Variants in THUMPD3 observed in about 807,000 individuals in gnomAD.
THUMPD3 encodes THUMP domain 3 tRNA guanosine methyltransferase.
In THUMPD3, 44 loss-of-function variants were observed where a neutral mutation model predicts 54.5. The observed-to-expected ratio is 0.81, with a 90% confidence interval of 0.63 to 1.04. The LOEUF is 1.04. Among genes scored for constraint, THUMPD3 ranks in the 50% least tolerant of loss-of-function variants. The pLI, the probability that THUMPD3 is intolerant of heterozygous loss-of-function variation, is 0.00. For synonymous variants in THUMPD3, 196 were observed against 201.4 expected, an observed-to-expected ratio of 0.97 and a Z score of 0.23; for missense variants, 604 against 601.3, an observed-to-expected ratio of 1.00 and a Z score of -0.05.
intron 7 of THUMPD3, among the ~76,000 whole-genome samples, chr3:9,382,473 A>G (rs2033003013): frequency 6.6e-6 from 1 of 151,730 alleles, no homozygotes; most frequent in Admixed American, 6.6e-5. Context: ...TTGGTTTTTC[A>G]TCTTGAAACA....
rs560440157 is a variant in THUMPD3, at chr3:9,381,139, G to T, written c.1124+521G>T. Among the ~76,000 whole-genome samples the T allele has an allele frequency of 5.3e-5, 8 of 152,256 alleles. No individual in the cohort carries two copies. The South Asian group carries it at 1.5e-3, about 28-fold the overall frequency. On this transcript the variant is annotated intron_variant, in intron 7 of 9. Coordinates refer to ENST00000452837, the MANE Select transcript of THUMPD3 (RefSeq NM_001114092.2). ...GTAGAGATGGGGGTCTTGCTGTTTTGTCCAGGCTGGTGTCAAACTCCTGGC... is the reference window on the plus strand; with the variant it reads ...GTAGAGATGGGGGTCTTGCTGTTTTTTCCAGGCTGGTGTCAAACTCCTGGC...
intron 7 of THUMPD3, 128 bp from the exon 8 acceptor site, chr3:9,383,071 G>T: frequency 1.7e-6 from 1 of 584,288 alleles, no homozygotes; most frequent in Non-Finnish European, 3.1e-6. Context: ...TTTTGAATAG[G>T]TTGATATTAT....
rs578050659 is a variant in THUMPD3, at chr3:9,370,277, G to T, written c.331-783G>T. On this transcript the variant is annotated intron_variant, in intron 3 of 9. Coordinates refer to ENST00000452837, the MANE Select transcript of THUMPD3 (RefSeq NM_001114092.2). ...TTCATTTTAGTGATATAATTAAATA[G>T]ATTATAGGCACATTATTTGTCCTTT... Among the ~76,000 whole-genome samples the T allele has an allele frequency of 2.0e-5, 3 of 152,214 alleles. No individual in the cohort carries two copies. The South Asian group carries it at 6.2e-4, about 32-fold the overall frequency.
intron 7 of THUMPD3, among the ~76,000 whole-genome samples, chr3:9,382,175 T>C (rs1269901779): frequency 6.6e-6 from 1 of 152,158 alleles, no homozygotes; most frequent in Non-Finnish European, 1.5e-5. Context: ...ATAATACATA[T>C]TTTATGTGTA....
At chr3:9,379,758 T>C (rs1483037921) in intron 6 of THUMPD3, among the ~76,000 whole-genome samples, 2 of 152,172 alleles carry the variant, frequency 1.3e-5, no homozygotes. Context: ...AGTGGTGTAA[T>C]CTCAGCTCCC....
chr3:9,366,908 G>T lies in THUMPD3; in HGVS notation c.253G>T (p.Val85Phe). 6.2e-7 allele frequency: 1 copy of T among 1,606,176 alleles called. No individual in the cohort carries two copies. Among genetic ancestry groups the T allele is most frequent in the Non-Finnish European group, 8.5e-7 (1 of 1,177,494 alleles). Residue 85 changes from valine to phenylalanine, a missense_variant and splice_region_variant, in exon 3 of 10, where the codon GTT (valine) becomes TTT (phenylalanine). Transcript: ENST00000452837. ...ATGTGTTTCTTTTTTTTTCACCCAG[G>T]TTCATTGTCTGAGATCAGTTGATAA... is the stretch of plus-strand genomic sequence containing the variant. Reference protein sequence around the residue: ...FVISVESLAQVHCLRSVDNLF... With the variant: ...FVISVESLAQFHCLRSVDNLF...
In THUMPD3 at chr3:9,366,925, A is replaced by G. The variant is rs749627580; in HGVS notation, c.270A>G (p.Ser90=). The G allele has an allele frequency of 1.2e-6, 2 of 1,612,030 alleles. No homozygotes were observed. Among genetic ancestry groups the G allele is most frequent in the South Asian group, 2.2e-5 (2 of 90,402 alleles). Residue 90 remains serine, a synonymous_variant, in exon 3 of 10, where the codon TCA becomes TCG. Transcript: ENST00000452837. ...ESLAQVHCLR[S]VDNLFVVVQE... ...TCACCCAGGTTCATTGTCTGAGATC[A>G]GTTGATAACTTATTTGTGGTGGTTC...
At position 9,383,251 on chromosome 3, in the gene THUMPD3, C is replaced by A; in HGVS notation, c.1177C>A (p.Leu393Met). Reference protein sequence around the residue: ...IDAVQWDICNLPLRTGSVDII... With the variant: ...IDAVQWDICNMPLRTGSVDII... ...TGCTGTTCAGTGGGATATCTGCAATCTGCCATTGAGAACTGGCTCTGTGGA... is the reference window on the plus strand; with the variant it reads ...TGCTGTTCAGTGGGATATCTGCAATATGCCATTGAGAACTGGCTCTGTGGA... Residue 393 changes from leucine (L) to methionine (M), a missense_variant, in exon 8 of 10, where the codon CTG (leucine) becomes ATG (methionine). Coordinates refer to ENST00000452837, the MANE Select transcript of THUMPD3 (RefSeq NM_001114092.2). 2 of 1,614,112 alleles carry A rather than the reference C, an allele frequency of 1.2e-6. No individual in the cohort carries two copies. The highest frequency in any genetic ancestry group is 1.7e-6 in the Non-Finnish European group (2 of 1,179,966).
rs1214120334 is a variant in THUMPD3, at chr3:9,383,437, T to G, written c.1235+128T>G. The G allele has an allele frequency of 4.7e-6, 3 of 633,322 alleles. No individual in the cohort carries two copies. The African/African-American group carries it at 5.4e-5, about 12-fold the overall frequency. The allele number at this position is 633,322 out of a possible 1,614,324, so 39.2% of individuals were successfully genotyped here. A position where few individuals can be genotyped will look rare whatever the true frequency, so the allele number is the denominator to read the frequency against. On this transcript the variant is annotated intron_variant, in intron 8 of 9. Coordinates refer to ENST00000452837, the MANE Select transcript of THUMPD3 (RefSeq NM_001114092.2). ...AGCTGTTTTTCACTTAACAACATGA[T>G]GGATTCACCCATTATGTTTCTTCCG...
Position 9,365,058 on chromosome 3 carries a change from G to C in THUMPD3, c.-11G>C. On this transcript the variant is annotated 5_prime_UTR_variant, in exon 2 of 10. Transcript: ENST00000452837. ...AGAGACAGTGTTAGGGATCTTGGAA[G>C]CACAGCCAACATGTGTGACATTGAA... is the stretch of plus-strand genomic sequence containing the variant. The C allele has an allele frequency of 6.2e-7, 1 of 1,611,530 alleles. No individual in the cohort carries two copies. Among genetic ancestry groups the C allele is most frequent in the Non-Finnish European group, 8.5e-7 (1 of 1,178,202 alleles).
intron 4 of THUMPD3, among the ~76,000 whole-genome samples, chr3:9,374,128 A>G (rs2032272763): frequency 6.6e-6 from 1 of 152,136 alleles, no homozygotes; most frequent in African/African-American, 2.4e-5. Flanking sequence ...CGTTTTGCCA[A>G]TTTTTGAACT....
chr3:9,377,914 A>G lies in THUMPD3; in HGVS notation c.1008+26A>G, dbSNP rs768317771. On this transcript the variant is annotated intron_variant, in intron 6 of 9. Coordinates refer to ENST00000452837, the MANE Select transcript of THUMPD3 (RefSeq NM_001114092.2). ...GTAATCATATTTCTTTAGCTTTTAG[A>G]TAAGAGTGATACATCCAGAATATTC... 14 of 1,558,336 alleles carry G rather than the reference A, an allele frequency of 9.0e-6. No individual in the cohort carries two copies. The South Asian group carries it at 1.2e-4, about 14-fold the overall frequency.
intron 1 of THUMPD3, 117 bp from the exon 2 acceptor site, chr3:9,364,899 G>A (rs1482051494): frequency 2.5e-5 from 19 of 760,656 alleles, no homozygotes; most frequent in Non-Finnish European, 3.9e-5. Flanking sequence ...TTTTTACTTT[G>A]GTGACTGTTT....
chr3:9,364,476 A>T (rs1459162664), intron 1 of THUMPD3, among the ~76,000 whole-genome samples: 2 of 151,894 alleles, frequency 1.3e-5, no homozygotes, highest in African/African-American at 4.8e-5. Context: ...CCTCCCAAGT[A>T]GCTGGGATTA....
intron 2 of THUMPD3, among the ~76,000 whole-genome samples, chr3:9,366,438 A>G (rs2031572868): frequency 6.6e-6 from 1 of 152,158 alleles, no homozygotes; most frequent in Admixed American, 6.6e-5. Flanking sequence ...TTTAGCCAAT[A>G]CCCTCAGCAG....
rs1377937900 is a variant in THUMPD3 at position 9,386,330 on chromosome 3, G to A, written c.*1642G>A. 1 of 152,002 alleles carries A rather than the reference G, an allele frequency of 6.6e-6. No individual in the cohort carries two copies. Among genetic ancestry groups the A allele is most frequent in the African/African-American group, 2.4e-5 (1 of 41,370 alleles). 9.4% of individuals were successfully genotyped at this position (152,002 alleles called of 1,614,324 possible). A position where few individuals can be genotyped will look rare whatever the true frequency, so the allele number is the denominator to read the frequency against. On this transcript the variant is annotated 3_prime_UTR_variant, in exon 10 of 10. Transcript: ENST00000452837. ...TCAAATTAAGCAACCCACAGAACCA[G>A]GAAGTTCAAGGACCATGTCTGTTTT...
chr3:9,381,986 T>C (rs1178738462), intron 7 of THUMPD3, among the ~76,000 whole-genome samples: 21 of 151,728 alleles, frequency 1.4e-4, no homozygotes, highest in Non-Finnish European at 1.2e-4. Context: ...GTTTTCACCA[T>C]GTTAGCCAGG....
intron 5 of THUMPD3, among the ~76,000 whole-genome samples, chr3:9,375,369 C>T (rs1285595836): frequency 6.6e-6 from 1 of 152,216 alleles, no homozygotes; most frequent in Non-Finnish European, 1.5e-5. Flanking sequence ...GCTTTATACT[C>T]ACAGCAACTC....
Position 9,365,135 on chromosome 3 carries a change from G to C in THUMPD3, c.67G>C (p.Val23Leu). 6.2e-7 allele frequency: 1 copy of C among 1,614,184 alleles called. No individual in the cohort carries two copies. Among genetic ancestry groups the C allele is most frequent in the African/African-American group, 1.3e-5 (1 of 75,046 alleles). The change falls in exon 2 of 10, where the codon GTA becomes CTA. Residue 23 changes from valine (V) to leucine (L), a missense_variant. Transcript: ENST00000452837. ...GAACCTTCATGAGAACCAGAAGTCT[G>C]TACAAGTGACAGAAAGTGACCTCGG... ...DVNLHENQKS[V>L]QVTESDLGSE...
Sources: allele counts gnomAD v4.1 joint callset (sites outside exome capture counted in the v4.1 genomes callset), GRCh38; gene constraint gnomAD v4.1.1; transcripts MANE v1.5; gene names NCBI Gene and HGNC (gene_info 2026-07-23, HGNC 2026-07-21).